Variants in USP24 observed in about 807,000 individuals in gnomAD.
The protein encoded by USP24 is ubiquitin specific peptidase 24.
USP24 carries 97 observed loss-of-function variants against 361.6 expected under a neutral mutation model. The observed-to-expected ratio is 0.27, with a 90% CI of 0.23 to 0.32. The LOEUF (loss-of-function observed/expected upper bound fraction) is 0.32, where lower values mean the gene tolerates loss of function less well. USP24 is among the 10% of genes least tolerant of loss of function. The pLI is 1.00. For missense variants in USP24, 2,353 were observed against 3,165.6 expected (o/e 0.74, Z 6.16); for synonymous variants, 1,098 against 1,124.6 (o/e 0.98, Z 0.47).
At chr1:55,073,063 A>G in intron 64 of USP24, 1 of 572,164 alleles carries the variant, frequency 1.7e-6, no homozygotes, top group Middle Eastern at 4.5e-4. Context: ...GAAGGGAGGA[A>G]TAGGGAGTCA....
At chr1:55,109,725 G>A (rs187363210) in intron 39 of USP24, among the ~76,000 whole-genome samples, 7 of 152,220 alleles carry the variant, frequency 4.6e-5, no homozygotes, top group Admixed American at 6.5e-5. Flanking sequence ...CATTATTTAA[G>A]GGTAAGTACA....
intron 47 of USP24, 81 bp from the exon 48 acceptor site, chr1:55,097,798 G>A: frequency 1.3e-6 from 2 of 1,502,630 alleles, no homozygotes; most frequent in South Asian, 1.4e-5. Flanking sequence ...TTAATGCAAA[G>A]GCCTTTCTGA....
At chr1:55,086,123 C>T (rs921943042) in intron 55 of USP24, 85 bp from the exon 56 acceptor site, 1 of 1,322,824 alleles carries the variant, frequency 7.6e-7, no homozygotes, top group South Asian at 1.2e-5. Flanking sequence ...ATCTAATAGC[C>T]AAGAAACAAA....
intron 63 of USP24, 97 bp downstream of exon 63, chr1:55,075,360 G>T: frequency 8.4e-7 from 1 of 1,184,372 alleles, no homozygotes; most frequent in Non-Finnish European, 1.2e-6. Context: ...AGTCACTGTA[G>T]ATCCCACCGA....
At chr1:55,133,638 C>CTT (rs34336736) in intron 30 of USP24, among the ~76,000 whole-genome samples, 14 of 126,834 alleles carry the variant, frequency 1.1e-4, no homozygotes, top group African/African-American at 3.8e-4. Context: ...CTCTCTCTCT[C>CTT]TTTTTTTTTT....
chr1:55,150,237 A>C (rs1647155767), intron 16 of USP24, among the ~76,000 whole-genome samples: 1 of 152,242 alleles, frequency 6.6e-6, no homozygotes, highest in Non-Finnish European at 1.5e-5. Context: ...AATGCAAAGC[A>C]GTGTGCTCCC....
intron 67 of USP24, 30 bp downstream of exon 67, chr1:55,071,784 T>C (rs1032263753): frequency 6.3e-7 from 1 of 1,588,816 alleles, no homozygotes; most frequent in Admixed American, 1.7e-5. Context: ...AGGCTGCCCT[T>C]TGCACACAAG....
chr1:55,104,226 A>G (rs1278632932), intron 41 of USP24, among the ~76,000 whole-genome samples: 4 of 152,212 alleles, frequency 2.6e-5, no homozygotes, highest in Non-Finnish European at 4.4e-5. Flanking sequence ...ATGATAAAGT[A>G]GTAAAATTCT....
At chr1:55,159,720 G>GC in intron 8 of USP24, 35 bp from the exon 9 acceptor site, 1 of 1,518,050 alleles carries the variant, frequency 6.6e-7, no homozygotes, top group Non-Finnish European at 8.9e-7. Flanking sequence ...AAGAACTCCC[G>GC]AAGCTGTCCC....
rs561329549 is a variant in USP24, at chr1:55,147,804, C to T, written c.1969-6G>A. Reference sequence around the variant, plus strand: ...TTCAAGTCTTGAATAATGCTCTTGGCGAAAATAACAAAAAGAAAAGTGGTA... The same window carrying T: ...TTCAAGTCTTGAATAATGCTCTTGGTGAAAATAACAAAAAGAAAAGTGGTA... On this transcript the variant is annotated splice_region_variant and splice_polypyrimidine_tract_variant and intron_variant, in intron 17 of 67. Coordinates refer to ENST00000294383, the MANE Select transcript of USP24 (RefSeq NM_015306.3). 67 of 1,608,012 alleles carry T rather than the reference C, an allele frequency of 4.2e-5. No individual in the cohort carries two copies. The highest frequency in any genetic ancestry group is 3.6e-4 in the African/African-American group (27 of 74,668).
At chr1:55,168,585 C>T (rs1649133924) in intron 5 of USP24, among the ~76,000 whole-genome samples, 1 of 151,990 alleles carries the variant, frequency 6.6e-6, no homozygotes, top group South Asian at 2.1e-4. Flanking sequence ...CCAGGTGGGA[C>T]AGGGTGACTC....
At chr1:55,123,182 T>C (rs1646331593) in intron 36 of USP24, among the ~76,000 whole-genome samples, 1 of 152,218 alleles carries the variant, frequency 6.6e-6, no homozygotes, top group Non-Finnish European at 1.5e-5. Flanking sequence ...GCTCTTTGAA[T>C]TCCTCAACTA....
Position 55,143,016 on chromosome 1 carries a change from T to C in USP24, c.2543A>G (p.Asn848Ser), listed in dbSNP as rs1306406128. The change falls in exon 22 of 68, where the codon AAC becomes AGC. Residue 848 changes from asparagine to serine, a missense_variant. Asn to Ser is a conservative substitution (Grantham distance 46). Around this residue, in one of 8 missense-constraint regions of USP24, gnomAD observed 949 missense variants for 1,280.5 expected, o/e 0.74. Coordinates refer to ENST00000294383, the MANE Select transcript of USP24 (RefSeq NM_015306.3). Reference protein sequence around the residue: ...IANEAIQLIINYSYINLNPRL... With the variant: ...IANEAIQLIISYSYINLNPRL... ...AGGATTTAGATTAATGTAACTATAG[T>C]TTATGATTAGCTGAATAGCTTCATT... The C allele has an allele frequency of 1.3e-6, 2 of 1,524,928 alleles. No homozygotes were observed. Among genetic ancestry groups the C allele is most frequent in the Non-Finnish European group, 1.8e-6 (2 of 1,134,522 alleles). The allele number at this position is 1,524,928 out of a possible 1,614,324, so 94.5% of individuals were successfully genotyped here.
At chr1:55,149,821 C>T (rs1647143271) in intron 16 of USP24, among the ~76,000 whole-genome samples, 1 of 152,180 alleles carries the variant, frequency 6.6e-6, no homozygotes, top group Non-Finnish European at 1.5e-5. Flanking sequence ...ACAAGAATGG[C>T]TTTCTCACTT....
At position 55,154,103 on chromosome 1, in the gene USP24, A is replaced by G. The variant is rs1396506279; in HGVS notation, c.1812+16T>C. The G allele has an allele frequency of 6.2e-7, 1 of 1,613,104 alleles. No homozygotes were observed. Among genetic ancestry groups the G allele is most frequent in the Non-Finnish European group, 8.5e-7 (1 of 1,179,476 alleles). ...TGTTGCTCTAACAACAAAATCAGAT[A>G]AAAGCTGAAACCAACCCTCTTAATA... On this transcript the variant is annotated intron_variant, in intron 15 of 67. Coordinates refer to ENST00000294383, the MANE Select transcript of USP24 (RefSeq NM_015306.3).
chr1:55,159,258 A>C (rs1648016827), intron 9 of USP24, among the ~76,000 whole-genome samples: 1 of 152,210 alleles, frequency 6.6e-6, no homozygotes, highest in Non-Finnish European at 1.5e-5. Context: ...AGACAAAATA[A>C]GTCATATTAA....
At chr1:55,082,989 C>A (rs1314980503) in intron 58 of USP24, among the ~76,000 whole-genome samples, 1 of 151,938 alleles carries the variant, frequency 6.6e-6, no homozygotes, top group Non-Finnish European at 1.5e-5. Context: ...AAGTAGAAGA[C>A]CCCAATACCA....
intron 38 of USP24, among the ~76,000 whole-genome samples, chr1:55,117,322 C>A (rs1424615484): frequency 6.6e-6 from 1 of 152,122 alleles, no homozygotes; most frequent in Non-Finnish European, 1.5e-5. Context: ...AAGGTTTCAG[C>A]CAGAGCAATT....
rs1644141898 is a variant in USP24, at chr1:55,186,701, G to C, written c.325-8569C>G. ...ATTATATGATTCCACTTATATGAAA[G>C]TACTTAGAGTAGTCAAATTCACAGA... is the stretch of plus-strand genomic sequence containing the variant. On this transcript the variant is annotated intron_variant, in intron 1 of 67. Coordinates refer to ENST00000294383, the MANE Select transcript of USP24 (RefSeq NM_015306.3). Among the ~76,000 whole-genome samples the C allele has an allele frequency of 2.0e-5, 3 of 152,138 alleles. No homozygotes were observed. The South Asian group carries it at 6.2e-4, about 32-fold the overall frequency.
Sources: allele counts gnomAD v4.1 joint callset (sites outside exome capture counted in the v4.1 genomes callset), GRCh38; gene constraint gnomAD v4.1.1; regional missense constraint gnomAD v4.1.1; transcripts MANE v1.5; gene names NCBI Gene and HGNC (gene_info 2026-07-23, HGNC 2026-07-21).